Variants in CSH2 observed in about 807,000 individuals in gnomAD.
The protein encoded by CSH2 is chorionic somatomammotropin hormone 2, also known as choriomammotropin.
CSH2 carries 10 observed loss-of-function variants against 22.7 expected under a neutral mutation model. The observed-to-expected ratio is 0.44, with a 90% CI of 0.27 to 0.75. The LOEUF (loss-of-function observed/expected upper bound fraction) is 0.75, where lower values mean the gene tolerates loss of function less well. Among genes scored for constraint, CSH2 ranks in the 30% least tolerant of loss-of-function variants. CSH2 has a pLI of 0.16. For synonymous variants in CSH2, 64 were observed against 115.0 expected, an observed-to-expected ratio of 0.56 and a Z score of 2.84; for missense variants, 161 against 271.0, an observed-to-expected ratio of 0.59 and a Z score of 2.85.
In CSH2 at chr17:63,872,625, G is replaced by T. The variant is rs760203280; in HGVS notation, c.408C>A (p.Asp136Glu). The change falls in exon 4 of 5, where the codon GAC becomes GAA. Residue 136 changes from aspartate to glutamate, a missense_variant. Around this residue, in one of 2 missense-constraint regions of CSH2, gnomAD observed 145 missense variants for 157.8 expected, o/e 0.92. Coordinates refer to ENST00000392886, the MANE Select transcript of CSH2 (RefSeq NM_020991.4). ...NLVYDTSDSD[D>E]YHLLKDLEEG... ...CCTCTAGGTCCTTTAGGAGGTGATA[G>T]TCATCGCTGTCCGAGGTGTCATACA... The T allele has an allele frequency of 1.2e-6, 2 of 1,612,998 alleles. No homozygotes were observed. Among genetic ancestry groups the T allele is most frequent in the Admixed American group, 1.7e-5 (1 of 59,908 alleles).
At chr17:63,872,533 G>A (rs762946383) in intron 4 of CSH2, 44 bp downstream of exon 4, 1 of 1,613,896 alleles carries the variant, frequency 6.2e-7, no homozygotes, top group African/African-American at 1.3e-5. Context: ...AGCCCTCTAA[G>A]CCAGTGGGGT....
rs1469264590 is a variant in CSH2 at position 63,873,348 on chromosome 17, A to G, written c.11-9T>C. ...CAGGGACGTCCGGGAGCCTGGGGAG[A>G]AACCGGAGGGCAATGGAGGGAGCCG... On this transcript the variant is annotated splice_polypyrimidine_tract_variant and intron_variant, in intron 1 of 4. Transcript: ENST00000392886. 6.2e-7 allele frequency: 1 copy of G among 1,612,990 alleles called. No homozygotes were observed. Among genetic ancestry groups the G allele is most frequent in the Non-Finnish European group, 8.5e-7 (1 of 1,179,570 alleles).
chr17:63,872,536 A>T (rs1905141862), intron 4 of CSH2, 41 bp downstream of exon 4: 3 of 1,613,922 alleles, frequency 1.9e-6, no homozygotes, highest in Non-Finnish European at 2.5e-6. Flanking sequence ...CCTCTAAGCC[A>T]GTGGGGTTCC....
Position 63,872,253 on chromosome 17 carries a change from G to A in CSH2, c.527C>T (p.Ser176Leu). 6.2e-7 allele frequency: 1 copy of A among 1,613,980 alleles called. No homozygotes were observed. The highest frequency in any genetic ancestry group is 8.5e-7 in the Non-Finnish European group (1 of 1,179,900). ...CTTGAGCAGTGCGTCATGGTTGTGTGAGTTTGTGTCAAACTTGCTGTAGGT... is the reference window on the plus strand; with the variant it reads ...CTTGAGCAGTGCGTCATGGTTGTGTAAGTTTGTGTCAAACTTGCTGTAGGT... ...KQTYSKFDTNSHNHDALLKNY... is the reference protein window; with the variant it reads ...KQTYSKFDTNLHNHDALLKNY... Residue 176 changes from serine (S) to leucine (L), a missense_variant, in exon 5 of 5, where the codon TCA (serine) becomes TTA (leucine). Transcript: ENST00000392886.
In CSH2 at chr17:63,872,039, G is replaced by A. The variant is rs2144664898; in HGVS notation, c.*87C>T. ...AAATGATACAACTTAATTTTATTAG[G>A]ACAAGGCTGATGGGCACTGGAGTGG... On this transcript the variant is annotated 3_prime_UTR_variant, in exon 5 of 5. Coordinates refer to ENST00000392886, the MANE Select transcript of CSH2 (RefSeq NM_020991.4). The A allele has an allele frequency of 7.5e-6, 12 of 1,601,552 alleles. No homozygotes were observed. Among genetic ancestry groups the A allele is most frequent in the Non-Finnish European group, 9.4e-6 (11 of 1,170,152 alleles).
rs1343786730 is a variant in CSH2, at chr17:63,873,636, C to T, written c.-22G>A. 6.3e-7 allele frequency: 1 copy of T among 1,593,122 alleles called. No individual in the cohort carries two copies. Among genetic ancestry groups the T allele is most frequent in the South Asian group, 1.1e-5 (1 of 87,944 alleles). ...CCATTGCCGCTAGGTGAGCTGTCCA[C>T]AGGACCCTGAGTGGTTCGGGGAGTT... On this transcript the variant is annotated 5_prime_UTR_variant, in exon 1 of 5. It adds an upstream start codon to the 5' untranslated region. Coordinates refer to ENST00000392886, the MANE Select transcript of CSH2 (RefSeq NM_020991.4).
Position 63,872,101 on chromosome 17 carries a change from C to G in CSH2, c.*25G>C, listed in dbSNP as rs9674635. On this transcript the variant is annotated 3_prime_UTR_variant, in exon 5 of 5. Coordinates refer to ENST00000392886, the MANE Select transcript of CSH2 (RefSeq NM_020991.4). ...GCCAGGAGAGGCACTGGGGAGGGGT[C>G]GGTCACAGGATGCCACGCGGGCACC... The G allele has an allele frequency of 1.1e-5, 17 of 1,613,846 alleles. 1 individual carries two copies. Among genetic ancestry groups the G allele is most frequent in the Admixed American group, 5.0e-5 (3 of 59,992 alleles).
chr17:63,872,015 A>C, downstream of CSH2: 1 of 1,539,076 alleles, frequency 6.5e-7, no homozygotes, highest in Non-Finnish European at 8.9e-7. Flanking sequence ...AGTCAGATGA[A>C]ATGATACAAC....
chr17:63,873,660 T>G lies in CSH2; in HGVS notation c.-46A>C, dbSNP rs879079450. The G allele has an allele frequency of 6.4e-7, 1 of 1,552,564 alleles. No homozygotes were observed. Among genetic ancestry groups the G allele is most frequent in the South Asian group, 1.2e-5 (1 of 83,380 alleles). On this transcript the variant is annotated 5_prime_UTR_variant, in exon 1 of 5. Transcript: ENST00000392886. Reference sequence around the variant, plus strand: ...ACAGGACCCTGAGTGGTTCGGGGAGTTGGGCCTTGGGATCCTAGAGCCGGT... The same window carrying G: ...ACAGGACCCTGAGTGGTTCGGGGAGGTGGGCCTTGGGATCCTAGAGCCGGT...
In CSH2 at chr17:63,873,618, C is replaced by T; in HGVS notation, c.-4G>A. The T allele has an allele frequency of 5.0e-6, 8 of 1,602,544 alleles. No homozygotes were observed. The highest frequency in any genetic ancestry group is 6.0e-6 in the Non-Finnish European group (7 of 1,173,786). ...AGGGGCGCTTACCTGCAGCCATTGCCGCTAGGTGAGCTGTCCACAGGACCC... is the reference window on the plus strand; with the variant it reads ...AGGGGCGCTTACCTGCAGCCATTGCTGCTAGGTGAGCTGTCCACAGGACCC... On this transcript the variant is annotated 5_prime_UTR_variant, in exon 1 of 5. Transcript: ENST00000392886.
rs767251243 is a variant in CSH2 at position 63,872,187 on chromosome 17, T to C, written c.593A>G (p.Lys198Arg). The C allele has an allele frequency of 3.1e-6, 5 of 1,613,956 alleles. No homozygotes were observed. The highest frequency in any genetic ancestry group is 4.2e-6 in the Non-Finnish European group (5 of 1,179,950). ...LLYCFRKDMD[K>R]VETFLRMVQC... ...CACCATGCGCAGGAATGTCTCGACC[T>C]TGTCCATGTCCTTCCTGAAGCAGTA... Residue 198 changes from lysine (K) to arginine (R), a missense_variant, in exon 5 of 5, where the codon AAG (lysine) becomes AGG (arginine). By Grantham distance (26) the Lys-to-Arg change is conservative. This residue lies in a region of CSH2 where 145 missense variants were observed against 157.8 expected (regional missense o/e 0.92). Coordinates refer to ENST00000392886, the MANE Select transcript of CSH2 (RefSeq NM_020991.4).
At position 63,872,101 on chromosome 17, in the gene CSH2, C is replaced by A; in HGVS notation, c.*25G>T. The A allele has an allele frequency of 6.2e-7, 1 of 1,613,940 alleles. No individual in the cohort carries two copies. Among genetic ancestry groups the A allele is most frequent in the African/African-American group, 1.3e-5 (1 of 74,980 alleles). Reference sequence around the variant, plus strand: ...GCCAGGAGAGGCACTGGGGAGGGGTCGGTCACAGGATGCCACGCGGGCACC... The same window carrying A: ...GCCAGGAGAGGCACTGGGGAGGGGTAGGTCACAGGATGCCACGCGGGCACC... On this transcript the variant is annotated 3_prime_UTR_variant, in exon 5 of 5. Coordinates refer to ENST00000392886, the MANE Select transcript of CSH2 (RefSeq NM_020991.4).
intron 4 of CSH2, 126 bp downstream of exon 4, chr17:63,872,451 T>A (rs1905137730): frequency 1.2e-6 from 2 of 1,613,732 alleles, no homozygotes; most frequent in Non-Finnish European, 1.7e-6. Context: ...CCAGGCGAAA[T>A]GAAGAATAAG....
chr17:63,872,417 G>T (rs1395322139), intron 4 of CSH2, 94 bp from the exon 5 acceptor site: 7 of 1,613,714 alleles, frequency 4.3e-6, no homozygotes, highest in Non-Finnish European at 5.1e-6. Context: ...CCTTCAGGGT[G>T]TAGAGAAGGG....
At chr17:63,873,379 G>A (rs769446877) in intron 1 of CSH2, 40 bp from the exon 2 acceptor site, 1 of 1,611,582 alleles carries the variant, frequency 6.2e-7, no homozygotes, top group Non-Finnish European at 8.5e-7. Flanking sequence ...AGCCGGAGAG[G>A]AAGAGGCCAG....
At chr17:63,872,768 G>T in intron 3 of CSH2, 27 bp from the exon 4 acceptor site, 1 of 1,489,268 alleles carries the variant, frequency 6.7e-7, no homozygotes, top group Non-Finnish European at 9.0e-7. Flanking sequence ...GGCAGTGGCT[G>T]TGCTGCCCGG....
chr17:63,872,368 T>C, intron 4 of CSH2, 45 bp from the exon 5 acceptor site: 1 of 1,613,870 alleles, frequency 6.2e-7, no homozygotes, highest in Non-Finnish European at 8.5e-7. Flanking sequence ...GCTTGGGCAC[T>C]GTTCCCTCCC....
chr17:63,873,559 T>C, intron 1 of CSH2, 46 bp downstream of exon 1: 1 of 1,608,444 alleles, frequency 6.2e-7, no homozygotes, highest in Non-Finnish European at 8.5e-7. Context: ...GCGCTGCCTC[T>C]CCCCTCAGGA....
Position 63,872,559 on chromosome 17 carries a change from C to A in CSH2, c.456+18G>T. The stretch of plus-strand genomic sequence containing the variant: ...CCAGTGGGGTTCCAGGATTGGCGAC[C>A]CCTGGCGCCACCCTCACCCCCATCA... On this transcript the variant is annotated intron_variant, in intron 4 of 4. Transcript: ENST00000392886. The A allele has an allele frequency of 6.2e-7, 1 of 1,614,026 alleles. No individual in the cohort carries two copies. The highest frequency in any genetic ancestry group is 8.5e-7 in the Non-Finnish European group (1 of 1,179,916).
Sources: allele counts gnomAD v4.1 joint callset, GRCh38; gene constraint gnomAD v4.1.1; regional missense constraint gnomAD v4.1.1; transcripts MANE v1.5; gene names NCBI Gene and HGNC (gene_info 2026-07-23, HGNC 2026-07-21).